The following PALLD variants were observed in gnomAD, a reference collection of about 807,000 sequenced individuals.
PALLD encodes the protein palladin.
A neutral mutation model predicts 123.5 loss-of-function variants in PALLD; 61 were observed. The observed-to-expected ratio is 0.49, with a 90% confidence interval of 0.40 to 0.61. The LOEUF is 0.61. PALLD is among the 20% of genes least tolerant of loss of function. The probability of loss-of-function intolerance (pLI) is 0.00; values close to 1 mark genes in which losing one functional copy is unlikely to be tolerated. For synonymous variants in PALLD, 465 were observed against 496.4 expected (o/e 0.94, Z 0.84); for missense variants, 1,273 against 1,377.0 (o/e 0.92, Z 1.20).
chr4:168,664,641 ATGCATAT>A (rs1779447453), intron 2 of PALLD, among the ~76,000 whole-genome samples: 1 of 152,234 alleles, frequency 6.6e-6, no homozygotes, highest in African/African-American at 2.4e-5. Flanking sequence ...AGCATGAGCC[ATGCATAT>A]TGCTTTCAGG....
chr4:168,827,938 G>A (rs1362862386), intron 10 of PALLD, among the ~76,000 whole-genome samples: 2 of 152,200 alleles, frequency 1.3e-5, no homozygotes, highest in Non-Finnish European at 2.9e-5. Flanking sequence ...GTACTCGGGA[G>A]GCTGAGGCAG....
intron 2 of PALLD, among the ~76,000 whole-genome samples, chr4:168,650,514 G>A (rs1220679629): frequency 6.6e-6 from 1 of 152,194 alleles, no homozygotes; most frequent in Admixed American, 6.5e-5. Context: ...TTTCCTTTGT[G>A]AAAAGTGCTG....
chr4:168,635,774 T>C (rs555359951), intron 2 of PALLD, among the ~76,000 whole-genome samples: 17 of 152,344 alleles, frequency 1.1e-4, no homozygotes, highest in African/African-American at 4.1e-4. Flanking sequence ...GTGATCCATC[T>C]GAGCCAGCCT....
intron 10 of PALLD, among the ~76,000 whole-genome samples, chr4:168,876,813 G>T (rs1045764649): frequency 6.6e-6 from 1 of 152,070 alleles, no homozygotes; most frequent in Admixed American, 6.6e-5. Flanking sequence ...GCCGCCTTCT[G>T]TTGAAGTTTC....
rs1029341025 is a variant in PALLD, at chr4:168,801,556, G to A, written c.1965-89366G>A. Among the ~76,000 whole-genome samples the A allele has an allele frequency of 9.2e-5, 14 of 152,342 alleles. No individual in the cohort carries two copies. In the East Asian group the frequency reaches 2.7e-3, roughly 29 times the overall value. On this transcript the variant is annotated intron_variant, in intron 10 of 21. Coordinates refer to ENST00000505667, the MANE Select transcript of PALLD (RefSeq NM_001166108.2). ...GCCTCCCAAAGTGCTGGGATCACAA[G>A]CGTGAGCCACCACGCCCAGCCTGTA... is the stretch of plus-strand genomic sequence containing the variant.
At chr4:168,644,206 A>AGC (rs1277833596) in intron 2 of PALLD, among the ~76,000 whole-genome samples, 1 of 151,160 alleles carries the variant, frequency 6.6e-6, no homozygotes, top group African/African-American at 2.4e-5. Flanking sequence ...CTGTTGCCTC[A>AGC]GCCTCCCATG....
intron 2 of PALLD, among the ~76,000 whole-genome samples, chr4:168,549,293 G>A (rs1005832736): frequency 4.0e-5 from 6 of 150,600 alleles, no homozygotes; most frequent in East Asian, 3.9e-4. Flanking sequence ...GTATTGCAGC[G>A]TCTAAACCAA....
chr4:168,585,467 C>T (rs184263337), intron 2 of PALLD, among the ~76,000 whole-genome samples: 134 of 152,298 alleles, frequency 8.8e-4, no homozygotes, highest in Non-Finnish European at 1.3e-3. Flanking sequence ...TGCCTCTCCT[C>T]CCACCTCTCT....
chr4:168,679,107 GGT>G (rs370032946), intron 3 of PALLD, among the ~76,000 whole-genome samples: 30 of 126,826 alleles, frequency 2.4e-4, no homozygotes, highest in South Asian at 1.1e-3. Flanking sequence ...GTTTATGGTG[GGT>G]GTGTGTGTGT....
chr4:168,813,698 G>C (rs1040340165), intron 10 of PALLD, among the ~76,000 whole-genome samples: 3 of 152,148 alleles, frequency 2.0e-5, no homozygotes, highest in East Asian at 1.9e-4. Flanking sequence ...GGCCTCAAGT[G>C]ACCCTCCTGC....
intron 10 of PALLD, among the ~76,000 whole-genome samples, chr4:168,777,991 C>T (rs1274270955): frequency 6.6e-6 from 1 of 152,180 alleles, no homozygotes; most frequent in Non-Finnish European, 1.5e-5. Context: ...CTCACCTCAA[C>T]CTCAGATTAT....
intron 2 of PALLD, among the ~76,000 whole-genome samples, chr4:168,597,510 G>A (rs1040061825): frequency 8.6e-5 from 13 of 151,996 alleles, no homozygotes; most frequent in Admixed American, 7.9e-4. Context: ...ATTTATTGAT[G>A]TACTGCCTGG....
intron 10 of PALLD, among the ~76,000 whole-genome samples, chr4:168,792,145 CGTA>C (rs1387858562): frequency 2.0e-5 from 3 of 152,208 alleles, no homozygotes; most frequent in East Asian, 3.9e-4. Flanking sequence ...AGCAGAGATT[CGTA>C]CCTCTGTATA....
intron 10 of PALLD, among the ~76,000 whole-genome samples, chr4:168,820,058 T>C (rs764530098): frequency 6.6e-6 from 1 of 152,266 alleles, no homozygotes; most frequent in Non-Finnish European, 1.5e-5. Context: ...CTTCCATCAG[T>C]CTTACTTCGA....
intron 2 of PALLD, among the ~76,000 whole-genome samples, chr4:168,541,355 C>T (rs1249874763): frequency 6.6e-6 from 1 of 152,200 alleles, no homozygotes; most frequent in Non-Finnish European, 1.5e-5. Context: ...AACGTCCTCT[C>T]TTAGACTGTC....
At chr4:168,879,801 G>A (rs28577176) in intron 10 of PALLD, among the ~76,000 whole-genome samples, 20,582 of 152,222 alleles carry the variant, frequency 0.14, 1,600 homozygotes, top group Middle Eastern at 0.23. Context: ...ATGTGATAAT[G>A]GACTTCTGTT....
chr4:168,871,884 T>A (rs1435438938), intron 10 of PALLD, among the ~76,000 whole-genome samples: 1 of 152,196 alleles, frequency 6.6e-6, no homozygotes, highest in Non-Finnish European at 1.5e-5. Flanking sequence ...GGGCTATAAA[T>A]TCTTTGGACC....
intron 2 of PALLD, among the ~76,000 whole-genome samples, chr4:168,634,739 T>G (rs2068356694): frequency 6.6e-6 from 1 of 152,222 alleles, no homozygotes; most frequent in African/African-American, 2.4e-5. Flanking sequence ...AGGAAGGTTA[T>G]GGGCATATGA....
intron 2 of PALLD, among the ~76,000 whole-genome samples, chr4:168,590,616 G>A (rs2149686509): frequency 6.6e-6 from 1 of 152,238 alleles, no homozygotes; most frequent in East Asian, 1.9e-4. Flanking sequence ...TTTGAATTTT[G>A]TTTTTCCAGT....
Sources: gnomAD v4.1 joint callset for allele counts (sites outside exome capture counted in the v4.1 genomes callset) on GRCh38, gnomAD v4.1.1 for gene constraint, MANE v1.5 for transcripts, NCBI Gene and HGNC (gene_info 2026-07-23, HGNC 2026-07-21) for gene names.